The following ANP32E variants were observed in gnomAD, a reference collection of about 807,000 sequenced individuals.
ANP32E encodes acidic leucine-rich nuclear phosphoprotein 32 family member E.
ANP32E carries 14 observed loss-of-function variants against 35.3 expected under a neutral mutation model. The ratio of observed to expected loss-of-function variants is 0.40; its 90% CI spans 0.26 to 0.62. The LOEUF (loss-of-function observed/expected upper bound fraction) is 0.62, where lower values mean the gene tolerates loss of function less well. Ranked by LOEUF, ANP32E falls within the 20% of genes least tolerant of loss-of-function variation. The pLI, the probability that ANP32E is intolerant of heterozygous loss-of-function variation, is 0.45. For synonymous variants in ANP32E, 89 were observed against 110.4 expected, an observed-to-expected ratio of 0.81 and a Z score of 1.22; for missense variants, 198 against 304.4, an observed-to-expected ratio of 0.65 and a Z score of 2.60.
In ANP32E at chr1:150,229,110, T is replaced by C. The variant is rs1649128516; in HGVS notation, c.455A>G (p.Asp152Gly). ...CTCTTCAGAGTCCGGCGCTTCATTA[T>C]CCTCCTGATCAAATCCATCTAAGTA... ...ITYLDGFDQEDNEAPDSEEED... is the reference protein window; with the variant it reads ...ITYLDGFDQEGNEAPDSEEED... The change falls in exon 4 of 7, where the codon GAT (aspartate) becomes GGT (glycine). Residue 152 changes from aspartate to glycine, a missense_variant. Coordinates refer to ENST00000583931, the MANE Select transcript of ANP32E (RefSeq NM_030920.5). The C allele has an allele frequency of 2.5e-6, 4 of 1,613,564 alleles. No homozygotes were observed. Among genetic ancestry groups the C allele is most frequent in the Non-Finnish European group, 3.4e-6 (4 of 1,179,888 alleles).
At chr1:150,229,690 C>T (rs1553841187) in intron 3 of ANP32E, among the ~76,000 whole-genome samples, 1 of 152,224 alleles carries the variant, frequency 6.6e-6, no homozygotes, top group Non-Finnish European at 1.5e-5. Flanking sequence ...ATTGGTCAGG[C>T]TGGTCTCGAA....
At chr1:150,221,497 GA>G (rs1313510704) in intron 6 of ANP32E, among the ~76,000 whole-genome samples, 3 of 124,018 alleles carry the variant, frequency 2.4e-5, no homozygotes, top group Non-Finnish European at 5.1e-5. Context: ...GGAAGGGAGG[GA>G]GGGAGGGAGG....
chr1:150,231,813 C>T lies in ANP32E; in HGVS notation c.168G>A (p.Ser56=), dbSNP rs200601091. The T allele has an allele frequency of 1.1e-5, 17 of 1,604,034 alleles. No individual in the cohort carries two copies. The East Asian group carries it at 3.4e-4, about 32-fold the overall frequency. ...FLSMANVELS[S]LARLPSLNKL... is the part of the protein sequence containing the mutation. ...TATTTAAGCTGGGAAGCCGGGCCAGCGAACTTAGTTCCACATTAGCCATAC... is the reference window on the plus strand; with the variant it reads ...TATTTAAGCTGGGAAGCCGGGCCAGTGAACTTAGTTCCACATTAGCCATAC... Residue 56 remains serine (S), a synonymous_variant, in exon 2 of 7, where the codon TCG becomes TCA. Transcript: ENST00000583931.
In ANP32E at chr1:150,220,101, G is replaced by A. The variant is rs1648212166; in HGVS notation, c.*590C>T. On this transcript the variant is annotated 3_prime_UTR_variant, in exon 7 of 7. Coordinates refer to ENST00000583931, the MANE Select transcript of ANP32E (RefSeq NM_030920.5). ...AATCCATGAACCATATTACTGAATAGAACCTCCACAAAATCCATGAACTAT... is the reference window on the plus strand; with the variant it reads ...AATCCATGAACCATATTACTGAATAAAACCTCCACAAAATCCATGAACTAT... 1 of 147,672 alleles carries A rather than the reference G, an allele frequency of 6.8e-6. No individual in the cohort carries two copies. Among genetic ancestry groups the A allele is most frequent in the Non-Finnish European group, 1.5e-5 (1 of 67,414 alleles). The allele number at this position is 147,672 out of a possible 1,614,324, so 9.1% of individuals were successfully genotyped here. A position where few individuals can be genotyped will look rare whatever the true frequency, so the allele number is the denominator to read the frequency against.
chr1:150,233,187 C>T (rs2101796068), intron 1 of ANP32E, among the ~76,000 whole-genome samples: 1 of 148,916 alleles, frequency 6.7e-6, no homozygotes. Flanking sequence ...ATCACTTGAA[C>T]CCGGGCAGCA....
At chr1:150,226,922 G>A (rs901087439) in intron 4 of ANP32E, 127 bp from the exon 5 acceptor site, 38 of 1,254,900 alleles carry the variant, frequency 3.0e-5, no homozygotes, top group Non-Finnish European at 3.7e-5. Flanking sequence ...AACTCACAGC[G>A]ATACTTTTTT....
intron 5 of ANP32E, among the ~76,000 whole-genome samples, chr1:150,223,889 G>A (rs1251521701): frequency 1.3e-5 from 2 of 151,766 alleles, no homozygotes; most frequent in African/African-American, 4.8e-5. Context: ...GGGATTACAG[G>A]CATGCGCCAC....
chr1:150,224,876 G>T (rs1648741580), intron 5 of ANP32E, among the ~76,000 whole-genome samples: 1 of 152,058 alleles, frequency 6.6e-6, no homozygotes, highest in Admixed American at 6.6e-5. Flanking sequence ...ACTCCCAGGG[G>T]CTGTAGATAA....
intron 5 of ANP32E, 131 bp downstream of exon 5, chr1:150,226,477 A>G: frequency 9.8e-7 from 1 of 1,020,598 alleles, no homozygotes; most frequent in South Asian, 1.8e-5. Flanking sequence ...GAAAAAAAAG[A>G]CAGGTGGATA....
intron 1 of ANP32E, chr1:150,234,736 C>T: frequency 1.1e-6 from 1 of 933,278 alleles, no homozygotes; most frequent in Non-Finnish European, 1.3e-6. Flanking sequence ...CCTCCCAACC[C>T]GCGTTGTCCT....
At chr1:150,233,842 A>G (rs1247960233) in intron 1 of ANP32E, among the ~76,000 whole-genome samples, 1 of 152,158 alleles carries the variant, frequency 6.6e-6, no homozygotes, top group African/African-American at 2.4e-5. Context: ...TGGCTTGCCT[A>G]GAGTCACAGT....
chr1:150,221,136 G>A (rs1389553906), intron 6 of ANP32E, among the ~76,000 whole-genome samples: 8 of 55,366 alleles, frequency 1.4e-4, no homozygotes, highest in East Asian at 6.1e-4. Flanking sequence ...AAAAAAAAAC[G>A]TTAATGGCAG....
intron 1 of ANP32E, among the ~76,000 whole-genome samples, chr1:150,233,461 G>A (rs965275079): frequency 1.3e-5 from 2 of 151,982 alleles, no homozygotes; most frequent in Admixed American, 6.6e-5. Flanking sequence ...CAGGCCAAAC[G>A]GTATCACCCA....
At chr1:150,224,523 G>A (rs782813078) in intron 5 of ANP32E, among the ~76,000 whole-genome samples, 2 of 151,656 alleles carry the variant, frequency 1.3e-5, no homozygotes, top group Admixed American at 6.6e-5. Context: ...GCAGTGAACC[G>A]AGATCGCACC....
At position 150,236,020 on chromosome 1, in the gene ANP32E, G is replaced by A. The variant is rs977558597; in HGVS notation, c.-234C>T. 2.4e-5 allele frequency: 13 copies of A among 545,382 alleles called. No individual in the cohort carries two copies. Among genetic ancestry groups the A allele is most frequent in the Non-Finnish European group, 4.0e-5 (12 of 302,854 alleles). The allele number at this position is 545,382 out of a possible 1,614,324, so 33.8% of individuals were successfully genotyped here. A position where few individuals can be genotyped will look rare whatever the true frequency, so the allele number is the denominator to read the frequency against. ...CCTCCTTGTCCACACACTAGCGCGC[G>A]CACACACACGCACGCACGCGCGCAC... On this transcript the variant is annotated 5_prime_UTR_variant, in exon 1 of 7. Transcript: ENST00000583931.
intron 5 of ANP32E, among the ~76,000 whole-genome samples, chr1:150,224,218 A>G (rs1648686408): frequency 6.6e-6 from 1 of 152,192 alleles, no homozygotes; most frequent in Admixed American, 6.6e-5. Context: ...CTGAAGAAGG[A>G]GAGACAAGAA....
intron 1 of ANP32E, chr1:150,234,615 T>G: frequency 1.0e-6 from 1 of 985,632 alleles, no homozygotes; most frequent in Non-Finnish European, 1.2e-6. Flanking sequence ...AGACTGATGC[T>G]TTCCTCTGCG....
At chr1:150,230,183 A>G (rs1008497481) in intron 3 of ANP32E, among the ~76,000 whole-genome samples, 5 of 152,206 alleles carry the variant, frequency 3.3e-5, no homozygotes, top group Admixed American at 6.5e-5. Context: ...CCAGCCTCCA[A>G]TCTTTTTTCA....
chr1:150,227,806 T>TTTTTTTTTTTTTTTTTTTTTTGAGACAG (rs1553840516), intron 4 of ANP32E, among the ~76,000 whole-genome samples: 1 of 142,370 alleles, frequency 7.0e-6, no homozygotes, highest in Non-Finnish European at 1.6e-5. Context: ...AATTTCTTTT[T>TTTTTTTTTTTTTTTTTTTTTTGAGACAG]ACGATGAAGA....
Sources: gnomAD v4.1 joint callset for allele counts (sites outside exome capture counted in the v4.1 genomes callset) on GRCh38, gnomAD v4.1.1 for gene constraint, MANE v1.5 for transcripts, NCBI Gene and HGNC (gene_info 2026-07-23, HGNC 2026-07-21) for gene names.